Variants in BTF3L4 observed in about 807,000 individuals in gnomAD.
The protein encoded by BTF3L4 is basic transcription factor 3 like 4.
BTF3L4 carries 6 observed loss-of-function variants against 16.8 expected under a neutral mutation model. The ratio of observed to expected loss-of-function variants is 0.36; its 90% confidence interval spans 0.20 to 0.71. The LOEUF (loss-of-function observed/expected upper bound fraction) is 0.71. Ranked by LOEUF, BTF3L4 falls within the 30% of genes least tolerant of loss-of-function variation. BTF3L4 has a pLI of 0.58. For synonymous variants in BTF3L4, 39 were observed against 59.8 expected, an observed-to-expected ratio of 0.65 and a Z score of 1.60; for missense variants, 92 against 186.9, an observed-to-expected ratio of 0.49 and a Z score of 2.96.
intron 4 of BTF3L4, among the ~76,000 whole-genome samples, chr1:52,084,951 G>C (rs1194361446): frequency 2.0e-5 from 3 of 148,108 alleles, no homozygotes; most frequent in Non-Finnish European, 4.5e-5. Context: ...AAAAAATCTA[G>C]TATTGTAGTG....
chr1:52,070,725 C>T (rs1481245170), intron 3 of BTF3L4, among the ~76,000 whole-genome samples: 1 of 149,416 alleles, frequency 6.7e-6, no homozygotes, highest in Non-Finnish European at 1.5e-5. Context: ...CAACCTACTG[C>T]CTCCTGGGTT....
chr1:52,083,428 C>A lies in BTF3L4; in HGVS notation c.257C>A (p.Thr86Asn). ...CTTTCTGCTAATACCTTTGCAATTA[C>A]TGGTCATGCAGAAGCCAAACCAATC... ...ASLSANTFAI[T>N]GHAEAKPITE... Residue 86 changes from threonine to asparagine, a missense_variant, in exon 4 of 6, where the codon ACT becomes AAT. Transcript: ENST00000313334. The A allele has an allele frequency of 6.2e-7, 1 of 1,606,948 alleles. No individual in the cohort carries two copies. Among genetic ancestry groups the A allele is most frequent in the Non-Finnish European group, 8.5e-7 (1 of 1,173,778 alleles).
chr1:52,079,719 T>C (rs2124440970), intron 3 of BTF3L4, among the ~76,000 whole-genome samples: 1 of 152,282 alleles, frequency 6.6e-6, no homozygotes, highest in Non-Finnish European at 1.5e-5. Context: ...TTTGGCTCCA[T>C]GTTAGCCTCT....
intron 3 of BTF3L4, chr1:52,071,004 T>G (rs1008115909): frequency 1.3e-5 from 2 of 152,204 alleles, no homozygotes; most frequent in African/African-American, 4.8e-5. Flanking sequence ...ACCAAATTTC[T>G]GAAAATGTTT....
chr1:52,066,883 C>T (rs1049454492), intron 3 of BTF3L4, among the ~76,000 whole-genome samples: 1 of 151,806 alleles, frequency 6.6e-6, no homozygotes, highest in Non-Finnish European at 1.5e-5. Flanking sequence ...TTTGGTATCA[C>T]CTCACAATTT....
chr1:52,067,536 T>C (rs1194211063), intron 3 of BTF3L4, among the ~76,000 whole-genome samples: 2 of 152,214 alleles, frequency 1.3e-5, no homozygotes, highest in Admixed American at 6.5e-5. Context: ...TTGAAAGCTT[T>C]TATATATTTT....
chr1:52,086,736 C>T lies in BTF3L4; in HGVS notation c.455C>T (p.Ala152Val), dbSNP rs1558011950. 6.3e-7 allele frequency: 1 copy of T among 1,597,018 alleles called. No homozygotes were observed. Among genetic ancestry groups the T allele is most frequent in the Middle Eastern group, 1.8e-4 (1 of 5,464 alleles). The change falls in exon 6 of 6, where the codon GCA becomes GTA. Residue 152 changes from alanine (A) to valine (V), a missense_variant. Transcript: ENST00000313334. Reference sequence around the variant, plus strand: ...GATCTTGTAGAAAATTTTGATGAGGCATCAAAGAATGAAGCTAACTAAAAG... The same window carrying T: ...GATCTTGTAGAAAATTTTGATGAGGTATCAAAGAATGAAGCTAACTAAAAG... ...VPDLVENFDEASKNEAN is the reference protein window; with the variant it reads ...VPDLVENFDEVSKNEAN
chr1:52,085,800 G>A (rs377360104), intron 4 of BTF3L4, among the ~76,000 whole-genome samples: 26 of 152,130 alleles, frequency 1.7e-4, no homozygotes, highest in African/African-American at 6.0e-4. Flanking sequence ...AGCCAAGATC[G>A]CATCACTACA....
In BTF3L4 at chr1:52,083,557, T is replaced by C. The variant is rs1643942870; in HGVS notation, c.370+16T>C. ...CCACGGCAAGGTAGGTATTTCAATT[T>C]AGTAAATCTTTCTCTCCCCACCTTA... On this transcript the variant is annotated intron_variant, in intron 4 of 5. Coordinates refer to ENST00000313334, the MANE Select transcript of BTF3L4 (RefSeq NM_152265.5). 6.3e-7 allele frequency: 1 copy of C among 1,599,816 alleles called. No homozygotes were observed. Among genetic ancestry groups the C allele is most frequent in the African/African-American group, 1.3e-5 (1 of 74,612 alleles).
intron 3 of BTF3L4, among the ~76,000 whole-genome samples, chr1:52,077,643 C>G (rs1430151023): frequency 3.3e-5 from 5 of 152,156 alleles, no homozygotes; most frequent in African/African-American, 1.2e-4. Flanking sequence ...ATTCAAGCCT[C>G]CATGAACTGA....
rs925582264 is a variant in BTF3L4 at position 52,089,957 on chromosome 1, G to A, written c.*3199G>A. ...ATTTGTTTCTTTGTTTTAATTCAGT[G>A]TTTAACCCTAGGTATGCTACATACC... is the stretch of plus-strand genomic sequence containing the variant. On this transcript the variant is annotated 3_prime_UTR_variant, in exon 6 of 6. Transcript: ENST00000313334. 6.6e-6 allele frequency: 1 copy of A among 152,126 alleles called. No homozygotes were observed. The highest frequency in any genetic ancestry group is 6.6e-5 in the Admixed American group (1 of 15,262). The allele number at this position is 152,126 out of a possible 1,614,324, so 9.4% of individuals were successfully genotyped here. A position where few individuals can be genotyped will look rare whatever the true frequency, so the allele number is the denominator to read the frequency against.
chr1:52,072,461 C>T (rs1237750012), intron 3 of BTF3L4, among the ~76,000 whole-genome samples: 1 of 152,148 alleles, frequency 6.6e-6, no homozygotes, highest in African/African-American at 2.4e-5. Context: ...ACTTGATACC[C>T]ATTAAACAAT....
At chr1:52,057,276 G>C (rs1686392719) in intron 1 of BTF3L4, among the ~76,000 whole-genome samples, 1 of 152,242 alleles carries the variant, frequency 6.6e-6, no homozygotes, top group Non-Finnish European at 1.5e-5. Context: ...CATGATGTAT[G>C]TGAAAGTGCC....
intron 2 of BTF3L4, 95 bp from the exon 3 acceptor site, chr1:52,064,730 T>G: frequency 1.6e-6 from 1 of 637,390 alleles, no homozygotes. Flanking sequence ...CATTTTTTAA[T>G]GTGGGTTTTA....
intron 5 of BTF3L4, 85 bp downstream of exon 5, chr1:52,086,256 G>A (rs1190917200): frequency 3.8e-6 from 4 of 1,047,004 alleles, no homozygotes; most frequent in South Asian, 3.1e-5. Flanking sequence ...TTAGGTTTGT[G>A]TTGATTGTAA....
chr1:52,083,111 C>A (rs1643940164), intron 3 of BTF3L4, among the ~76,000 whole-genome samples: 1 of 152,100 alleles, frequency 6.6e-6, no homozygotes, highest in Admixed American at 6.6e-5. Context: ...AATCTAGATT[C>A]TATAATGAAT....
intron 3 of BTF3L4, among the ~76,000 whole-genome samples, chr1:52,080,454 A>G (rs1002493251): frequency 4.0e-5 from 6 of 151,622 alleles, no homozygotes; most frequent in Non-Finnish European, 8.8e-5. Flanking sequence ...ATAAAAAAAA[A>G]GTCTCAGATT....
intron 3 of BTF3L4, among the ~76,000 whole-genome samples, chr1:52,066,883 C>G (rs1049454492): frequency 6.6e-6 from 1 of 151,806 alleles, no homozygotes; most frequent in Non-Finnish European, 1.5e-5. Context: ...TTTGGTATCA[C>G]CTCACAATTT....
chr1:52,086,632 G>A lies in BTF3L4; in HGVS notation c.431-80G>A, dbSNP rs1643975697. On this transcript the variant is annotated intron_variant, in intron 5 of 5. Coordinates refer to ENST00000313334, the MANE Select transcript of BTF3L4 (RefSeq NM_152265.5). ...GTTGTACTAATTTTATTTTTTCGGG[G>A]GTTAGAAGTTAGGAGTTCCATTTAC... The A allele has an allele frequency of 4.9e-6, 4 of 821,690 alleles. No individual in the cohort carries two copies. In the East Asian group the frequency reaches 1.1e-4, roughly 22 times the overall value. The allele number at this position is 821,690 out of a possible 1,614,324, so 50.9% of individuals were successfully genotyped here.
Sources: allele counts gnomAD v4.1 joint callset (sites outside exome capture counted in the v4.1 genomes callset), GRCh38; gene constraint gnomAD v4.1.1; transcripts MANE v1.5; gene names NCBI Gene and HGNC (gene_info 2026-07-23, HGNC 2026-07-21).